The following UTRN variants were observed in gnomAD, a reference collection of about 807,000 sequenced individuals.
UTRN encodes utrophin.
Under a neutral mutation model 463.9 loss-of-function variants are expected in UTRN, and 283 were observed. The observed-to-expected ratio is 0.61, with a 90% confidence interval of 0.55 to 0.67. UTRN has a LOEUF of 0.67. Ranked by LOEUF, UTRN falls within the 30% of genes least tolerant of loss-of-function variation. UTRN has a pLI of 0.00. For missense variants in UTRN, 3,922 were observed against 4,084.3 expected, an observed-to-expected ratio of 0.96 and a Z score of 1.08; for synonymous variants, 1,442 against 1,431.5, an observed-to-expected ratio of 1.01 and a Z score of -0.17.
At chr6:144,489,159 C>T (rs947733929) in intron 30 of UTRN, among the ~76,000 whole-genome samples, 2 of 152,106 alleles carry the variant, frequency 1.3e-5, no homozygotes, top group Non-Finnish European at 2.9e-5. Flanking sequence ...AAGTGACTCT[C>T]CTGCCTCAGC....
At chr6:144,773,936 G>A (rs1465534023) in intron 59 of UTRN, among the ~76,000 whole-genome samples, 2 of 152,158 alleles carry the variant, frequency 1.3e-5, no homozygotes, top group Non-Finnish European at 2.9e-5. Flanking sequence ...CACTTTGGAA[G>A]GAGAAAGAGG....
Position 144,523,076 on chromosome 6 carries a change from C to A in UTRN, c.5794C>A (p.Pro1932Thr). Reference protein sequence around the residue: ...EQIAVIHEKQPDVILEASGPE... With the variant: ...EQIAVIHEKQTDVILEASGPE... The stretch of plus-strand genomic sequence containing the variant: ...GATTGCAGTCATTCATGAAAAACAG[C>A]CAGATGTCATCCTTGAAGCCTCTGG... Residue 1932 changes from proline (P) to threonine (T), a missense_variant, in exon 41 of 75, where the codon CCA becomes ACA. Pro to Thr is a conservative substitution (Grantham distance 38). Around this residue, in one of 3 missense-constraint regions of UTRN, gnomAD observed 2,349 missense variants for 2,303.8 expected, o/e 1.02. Transcript: ENST00000367545. 6.2e-7 allele frequency: 1 copy of A among 1,613,058 alleles called. No individual in the cohort carries two copies.
At chr6:144,509,925 A>G (rs190249761) in intron 34 of UTRN, among the ~76,000 whole-genome samples, 18 of 152,310 alleles carry the variant, frequency 1.2e-4, no homozygotes, top group Admixed American at 1.2e-3. Context: ...TCTTATTAAT[A>G]ATTGCTGAGA....
intron 9 of UTRN, among the ~76,000 whole-genome samples, chr6:144,431,646 G>T (rs1424177002): frequency 6.6e-6 from 1 of 152,078 alleles, no homozygotes; most frequent in African/African-American, 2.4e-5. Flanking sequence ...CTTCCTTCTC[G>T]ACCTCATGGA....
At chr6:144,608,816 G>C (rs1414427693) in intron 51 of UTRN, among the ~76,000 whole-genome samples, 1 of 152,076 alleles carries the variant, frequency 6.6e-6, no homozygotes, top group Non-Finnish European at 1.5e-5. Flanking sequence ...AATTTGTTTG[G>C]GTTTGAGAAG....
chr6:144,759,007 G>A (rs1413777138), intron 58 of UTRN, among the ~76,000 whole-genome samples: 7 of 152,138 alleles, frequency 4.6e-5, no homozygotes, highest in South Asian at 2.1e-4. Context: ...TCCTGAAAAC[G>A]TTGTGTGAAG....
At chr6:144,464,817 G>A (rs1373393895) in intron 23 of UTRN, among the ~76,000 whole-genome samples, 1 of 152,066 alleles carries the variant, frequency 6.6e-6, no homozygotes, top group East Asian at 1.9e-4. Flanking sequence ...CTTTGCGATG[G>A]TCCCACTTCT....
At chr6:144,552,440 A>G (rs961735156) in intron 48 of UTRN, among the ~76,000 whole-genome samples, 39 of 152,260 alleles carry the variant, frequency 2.6e-4, no homozygotes, top group African/African-American at 9.4e-4. Flanking sequence ...TTGACAAGCC[A>G]TTTCCAGTTT....
chr6:144,848,595 G>A (rs1414348506), intron 74 of UTRN, among the ~76,000 whole-genome samples: 1 of 152,092 alleles, frequency 6.6e-6, no homozygotes, highest in Non-Finnish European at 1.5e-5. Flanking sequence ...AGGTAGAGGT[G>A]GTTGTCAGAA....
At chr6:144,290,450 G>A (rs1804119909) in intron 1 of UTRN, among the ~76,000 whole-genome samples, 1 of 152,166 alleles carries the variant, frequency 6.6e-6, no homozygotes. Context: ...CTGCTCATGA[G>A]AAGATTCACG....
At position 144,645,144 on chromosome 6, in the gene UTRN, C is replaced by G. The variant is rs1018861877; in HGVS notation, c.7480-33262C>G. 3.9e-5 allele frequency among the ~76,000 whole-genome samples: 6 copies of G among 152,102 alleles called. No homozygotes were observed. The East Asian group carries it at 1.2e-3, about 29-fold the overall frequency. The stretch of plus-strand genomic sequence containing the variant: ...TCTTTGTTGTGGAGAGTTGGTCCCT[C>G]TATTGTTTATTTTAGGTTGAGATTA... On this transcript the variant is annotated intron_variant, in intron 51 of 74. Transcript: ENST00000367545.
At chr6:144,465,916 C>T (rs1367253762) in intron 23 of UTRN, among the ~76,000 whole-genome samples, 1 of 152,124 alleles carries the variant, frequency 6.6e-6, no homozygotes, top group Non-Finnish European at 1.5e-5. Context: ...TTTTAAAATG[C>T]ATTTTTCATT....
At chr6:144,794,549 A>T (rs747960620) in intron 63 of UTRN, among the ~76,000 whole-genome samples, 1 of 152,222 alleles carries the variant, frequency 6.6e-6, no homozygotes, top group Non-Finnish European at 1.5e-5. Context: ...CAGTGCAATT[A>T]TAATTACACA....
intron 51 of UTRN, among the ~76,000 whole-genome samples, chr6:144,611,438 C>G (rs1226028398): frequency 6.6e-6 from 1 of 152,158 alleles, no homozygotes; most frequent in Non-Finnish European, 1.5e-5. Context: ...TCTCCATTTG[C>G]AGATGTCATG....
chr6:144,543,096 C>T (rs1395443734), intron 46 of UTRN, among the ~76,000 whole-genome samples: 2 of 152,220 alleles, frequency 1.3e-5, no homozygotes, highest in Non-Finnish European at 2.9e-5. Flanking sequence ...GCTGGCCTTT[C>T]TCTGGACTCC....
At chr6:144,542,751 A>G (rs1207619610) in intron 45 of UTRN, 44 bp from the exon 46 acceptor site, 1 of 1,578,466 alleles carries the variant, frequency 6.3e-7, no homozygotes, top group Non-Finnish European at 8.6e-7. Context: ...AGTCATCTTT[A>G]TTTACGTAGT....
chr6:144,712,537 A>T (rs1465854995), intron 53 of UTRN, among the ~76,000 whole-genome samples: 1 of 152,206 alleles, frequency 6.6e-6, no homozygotes, highest in Non-Finnish European at 1.5e-5. Flanking sequence ...AATTTATTTT[A>T]TCTAGCAGTT....
At chr6:144,530,927 G>A (rs1797000601) in intron 41 of UTRN, 125 bp from the exon 42 acceptor site, 1 of 1,084,328 alleles carries the variant, frequency 9.2e-7, no homozygotes, top group African/African-American at 1.6e-5. Context: ...GGAGCAATAG[G>A]CTGTGAATTC....
At chr6:144,362,189 T>A (rs1779141292) in intron 2 of UTRN, among the ~76,000 whole-genome samples, 1 of 152,160 alleles carries the variant, frequency 6.6e-6, no homozygotes, top group South Asian at 2.1e-4. Context: ...GAGATCCTGG[T>A]GTGGGCATTC....
Sources: allele counts gnomAD v4.1 joint callset (sites outside exome capture counted in the v4.1 genomes callset), GRCh38; gene constraint gnomAD v4.1.1; regional missense constraint gnomAD v4.1.1; transcripts MANE v1.5; gene names NCBI Gene and HGNC (gene_info 2026-07-23, HGNC 2026-07-21).